Variants in YTHDF3 observed in about 807,000 individuals in gnomAD.
The protein encoded by YTHDF3 is YTH N6-methyladenosine RNA binding protein F3.
Under a neutral mutation model 52.5 loss-of-function variants are expected in YTHDF3, and 9 were observed. The ratio of observed to expected loss-of-function variants is 0.17; its 90% CI spans 0.10 to 0.30. YTHDF3 has a LOEUF of 0.30. Ranked by LOEUF, YTHDF3 falls within the 10% of genes least tolerant of loss-of-function variation. YTHDF3 has a pLI of 1.00. For synonymous variants in YTHDF3, 274 were observed against 243.3 expected, an observed-to-expected ratio of 1.13 and a Z score of -1.18; for missense variants, 534 against 715.0, an observed-to-expected ratio of 0.75 and a Z score of 2.89.
At chr8:63,202,397 T>C (rs1449801701) in intron 4 of YTHDF3, among the ~76,000 whole-genome samples, 1 of 152,042 alleles carries the variant, frequency 6.6e-6, no homozygotes, top group Non-Finnish European at 1.5e-5. Context: ...ACTTTAAAGG[T>C]GGACATATGT....
chr8:63,209,208 TGAAA>T (rs1424016873), intron 4 of YTHDF3, among the ~76,000 whole-genome samples: 14 of 152,304 alleles, frequency 9.2e-5, no homozygotes, highest in African/African-American at 2.4e-4. Context: ...TATCGTGTGC[TGAAA>T]GAGAGAGTGT....
chr8:63,183,800 G>A lies in YTHDF3; in HGVS notation c.136-2347G>A, dbSNP rs143079573. 1.1e-3 allele frequency among the ~76,000 whole-genome samples: 171 copies of A among 152,254 alleles called. 1 individual carries two copies. The highest frequency in any genetic ancestry group is 2.0e-3 in the Non-Finnish European group (136 of 68,024). On this transcript the variant is annotated intron_variant, in intron 3 of 4. Coordinates refer to ENST00000539294, the MANE Select transcript of YTHDF3 (RefSeq NM_152758.6). ...ACATTCACGGATTCAGTCAGTTGTG[G>A]ATCAAAAATACAGTCGTCTCAAGGT...
At chr8:63,182,145 T>C (rs1463268491) in intron 3 of YTHDF3, among the ~76,000 whole-genome samples, 2 of 151,716 alleles carry the variant, frequency 1.3e-5, no homozygotes, top group Non-Finnish European at 2.9e-5. Flanking sequence ...CATAGTTCAC[T>C]GCAGCCTCGA....
At chr8:63,174,517 C>A (rs549544215) in intron 2 of YTHDF3, among the ~76,000 whole-genome samples, 1 of 152,322 alleles carries the variant, frequency 6.6e-6, no homozygotes, top group East Asian at 1.9e-4. Flanking sequence ...ATCATCTCCT[C>A]AGTGCTGGAC....
rs536040065 is a variant in YTHDF3, at chr8:63,180,805, A to C, written c.136-5342A>C. ...CGGCCAACACAGCGAAACCCCGTCT[A>C]CACCAAAAAAATACGAAAACCAGTC... On this transcript the variant is annotated intron_variant, in intron 3 of 4. Coordinates refer to ENST00000539294, the MANE Select transcript of YTHDF3 (RefSeq NM_152758.6). Among the ~76,000 whole-genome samples, 1,254 of 151,310 alleles carry C rather than the reference A, an allele frequency of 8.3e-3. 24 individuals are homozygous for C. Among genetic ancestry groups the C allele is most frequent in the African/African-American group, 0.03 (1,206 of 40,742 alleles).
chr8:63,175,316 C>T lies in YTHDF3; in HGVS notation c.50-15C>T. On this transcript the variant is annotated splice_polypyrimidine_tract_variant and intron_variant, in intron 2 of 4. Coordinates refer to ENST00000539294, the MANE Select transcript of YTHDF3 (RefSeq NM_152758.6). ...AAAGATAACTACAACACTTCTAATA[C>T]AAACATTTTTTTAGTTTCAGTACAA... 6.3e-7 allele frequency: 1 copy of T among 1,587,614 alleles called. No homozygotes were observed. The highest frequency in any genetic ancestry group is 1.1e-5 in the South Asian group (1 of 88,372).
Position 63,186,897 on chromosome 8 carries a change from C to A in YTHDF3, c.886C>A (p.Pro296Thr), listed in dbSNP as rs767300438. 6.2e-7 allele frequency: 1 copy of A among 1,614,004 alleles called. No homozygotes were observed. The highest frequency in any genetic ancestry group is 1.1e-5 in the South Asian group (1 of 91,084). The change falls in exon 4 of 5, where the codon CCT becomes ACT. Residue 296 changes from proline to threonine, a missense_variant. Pro to Thr is a conservative substitution (Grantham distance 38). Coordinates refer to ENST00000539294, the MANE Select transcript of YTHDF3 (RefSeq NM_152758.6). Reference protein sequence around the residue: ...VKAPPTQPVLPPQTIIQQPQP... With the variant: ...VKAPPTQPVLTPQTIIQQPQP... Reference sequence around the variant, plus strand: ...GGCTCCACCAACCCAACCAGTTCTGCCTCCTCAAACTATAATCCAGCAGCC... The same window carrying A: ...GGCTCCACCAACCCAACCAGTTCTGACTCCTCAAACTATAATCCAGCAGCC...
intron 3 of YTHDF3, among the ~76,000 whole-genome samples, chr8:63,183,523 G>A (rs1301792656): frequency 6.6e-6 from 1 of 152,018 alleles, no homozygotes; most frequent in Non-Finnish European, 1.5e-5. Flanking sequence ...ACTTCCCTCA[G>A]TCTTTTCTTT....
chr8:63,188,572 C>A (rs562810218), intron 4 of YTHDF3, among the ~76,000 whole-genome samples: 21 of 149,186 alleles, frequency 1.4e-4, no homozygotes, highest in African/African-American at 5.2e-4. Context: ...CTGCCCCTAC[C>A]CCTCTGCCTC....
Position 63,173,530 on chromosome 8 carries a change from ATAGT to A in YTHDF3, c.50-1796_50-1793del, listed in dbSNP as rs202130463. 3.8e-3 allele frequency: 1,396 copies of A among 371,266 alleles called. 26 individuals are homozygous for A. The highest frequency in any genetic ancestry group is 0.028 in the African/African-American group (1,281 of 45,532). The allele number at this position is 371,266 out of a possible 1,614,324, so 23.0% of individuals were successfully genotyped here. On this transcript the variant is annotated intron_variant, in intron 2 of 4. Coordinates refer to ENST00000539294, the MANE Select transcript of YTHDF3 (RefSeq NM_152758.6). The stretch of plus-strand genomic sequence containing the variant: ...TTCGAGAACCTAGTGGATATGAGAG[ATAGT>A]TAGTCATAATTTTTAAGTTGTTAGC...
At chr8:63,194,685 T>C (rs1809126238) in intron 4 of YTHDF3, among the ~76,000 whole-genome samples, 1 of 152,190 alleles carries the variant, frequency 6.6e-6, no homozygotes, top group African/African-American at 2.4e-5. Flanking sequence ...AAGGGTATTA[T>C]CTTGCATAAC....
chr8:63,178,063 A>G (rs1038683103), intron 3 of YTHDF3, among the ~76,000 whole-genome samples: 6 of 152,164 alleles, frequency 3.9e-5, no homozygotes, highest in African/African-American at 1.4e-4. Flanking sequence ...CAGCCATTCA[A>G]ACTCTTTTTT....
intron 4 of YTHDF3, among the ~76,000 whole-genome samples, chr8:63,207,831 C>CCTTACAT (rs1271970794): frequency 2.0e-4 from 30 of 152,164 alleles, no homozygotes; most frequent in African/African-American, 6.7e-4. Context: ...AGCAGATTGC[C>CCTTACAT]CTTACATCTT....
chr8:63,192,601 T>C (rs1331476557), intron 4 of YTHDF3, among the ~76,000 whole-genome samples: 1 of 152,234 alleles, frequency 6.6e-6, no homozygotes, highest in African/African-American at 2.4e-5. Flanking sequence ...CTGGTACTTT[T>C]AGCCTTGTGT....
chr8:63,177,016 G>C (rs1807737262), intron 3 of YTHDF3, among the ~76,000 whole-genome samples: 1 of 152,206 alleles, frequency 6.6e-6, no homozygotes, highest in African/African-American at 2.4e-5. Context: ...AAAGATGCCA[G>C]TTAGTTTGTG....
intron 2 of YTHDF3, among the ~76,000 whole-genome samples, chr8:63,172,013 A>G (rs1807361022): frequency 6.6e-6 from 1 of 152,172 alleles, no homozygotes; most frequent in Non-Finnish European, 1.5e-5. Context: ...TATGGCAAAA[A>G]TGTTTTTTGT....
intron 2 of YTHDF3, among the ~76,000 whole-genome samples, chr8:63,170,988 C>T (rs1326951932): frequency 6.6e-6 from 1 of 152,160 alleles, no homozygotes. Flanking sequence ...AATACATCCA[C>T]TGTTTGCAAA....
chr8:63,184,266 G>GA (rs1412856000), intron 3 of YTHDF3, among the ~76,000 whole-genome samples: 1 of 152,184 alleles, frequency 6.6e-6, no homozygotes, highest in East Asian at 1.9e-4. Context: ...CAGTGTATTT[G>GA]AAAAATGGTT....
At chr8:63,169,063 T>G in intron 1 of YTHDF3, 162 bp downstream of exon 1, 2 of 1,395,388 alleles carry the variant, frequency 1.4e-6, no homozygotes, top group Non-Finnish European at 1.8e-6. Context: ...GCGTGCGCCC[T>G]GGCCCCGTAG....
Sources: gnomAD v4.1 joint callset for allele counts (sites outside exome capture counted in the v4.1 genomes callset) on GRCh38, gnomAD v4.1.1 for gene constraint, MANE v1.5 for transcripts, NCBI Gene and HGNC (gene_info 2026-07-23, HGNC 2026-07-21) for gene names.